SLC2A13: variants seen among roughly 807,000 people sequenced by gnomAD.
SLC2A13 encodes the protein solute carrier family 2 member 13.
A neutral mutation model predicts 64.4 loss-of-function variants in SLC2A13; 32 were observed. The ratio of observed to expected loss-of-function variants is 0.50; its 90% CI spans 0.37 to 0.67. The LOEUF is 0.67. SLC2A13 is among the 30% of genes least tolerant of loss of function. SLC2A13 has a pLI of 0.00. For synonymous variants in SLC2A13, 338 were observed against 327.1 expected, an observed-to-expected ratio of 1.03 and a Z score of -0.36; for missense variants, 743 against 829.2, an observed-to-expected ratio of 0.90 and a Z score of 1.28.
chr12:39,925,104 TG>T (rs1945700594), intron 4 of SLC2A13, among the ~76,000 whole-genome samples: 1 of 147,960 alleles, frequency 6.8e-6, no homozygotes, highest in Non-Finnish European at 1.5e-5. Flanking sequence ...GGCATGATCA[TG>T]GATCGCTCAC....
chr12:40,050,469 T>C (rs1948237176), intron 1 of SLC2A13, among the ~76,000 whole-genome samples: 4 of 152,182 alleles, frequency 2.6e-5, no homozygotes, highest in East Asian at 1.9e-4. Flanking sequence ...AGGGTAAAGA[T>C]TGAAGACAGA....
chr12:40,069,535 C>T (rs1937872452), intron 1 of SLC2A13, among the ~76,000 whole-genome samples: 1 of 151,730 alleles, frequency 6.6e-6, no homozygotes, highest in African/African-American at 2.4e-5. Flanking sequence ...TGTAATAGTA[C>T]CTGTTATTAT....
intron 3 of SLC2A13, among the ~76,000 whole-genome samples, chr12:39,989,794 T>C (rs1947100572): frequency 6.6e-6 from 1 of 152,050 alleles, no homozygotes. Flanking sequence ...AAGAAATTAA[T>C]CCCCATGATC....
At chr12:39,874,338 G>A (rs1944126831) in intron 4 of SLC2A13, among the ~76,000 whole-genome samples, 1 of 152,100 alleles carries the variant, frequency 6.6e-6, no homozygotes, top group Non-Finnish European at 1.5e-5. Flanking sequence ...GAGGGGCCGG[G>A]CACGGTGGCT....
At chr12:39,840,763 G>A (rs1943159521) in intron 6 of SLC2A13, among the ~76,000 whole-genome samples, 2 of 151,964 alleles carry the variant, frequency 1.3e-5, no homozygotes, top group Admixed American at 6.6e-5. Context: ...TTCATGCTGT[G>A]TTTGCTTTCC....
rs544096390 is a variant in SLC2A13, at chr12:39,938,387, C to T, written c.1034+12870G>A. ...CCATGTTTCCGCACACAAAATAACT[C>T]CATTTAAAGAAACTTTAAAAAAAAA... On this transcript the variant is annotated intron_variant, in intron 4 of 9. Coordinates refer to ENST00000280871, the MANE Select transcript of SLC2A13 (RefSeq NM_052885.4). Among the ~76,000 whole-genome samples, 267 of 145,140 alleles carry T rather than the reference C, an allele frequency of 1.8e-3. 5 individuals are homozygous for T. Among genetic ancestry groups the T allele is most frequent in the Non-Finnish European group, 6.2e-5 (4 of 64,636 alleles).
intron 7 of SLC2A13, among the ~76,000 whole-genome samples, chr12:39,812,247 C>T (rs1470131654): frequency 1.3e-5 from 2 of 152,100 alleles, no homozygotes; most frequent in East Asian, 3.9e-4. Flanking sequence ...TATAAAGGCA[C>T]TTATCCCATT....
intron 3 of SLC2A13, among the ~76,000 whole-genome samples, chr12:39,981,596 G>C (rs1282099802): frequency 2.7e-5 from 4 of 150,604 alleles, no homozygotes; most frequent in African/African-American, 7.4e-5. Context: ...TACATTCCTC[G>C]ACACATACAC....
At chr12:39,925,451 A>G (rs1159832333) in intron 4 of SLC2A13, among the ~76,000 whole-genome samples, 1 of 152,164 alleles carries the variant, frequency 6.6e-6, no homozygotes, top group Non-Finnish European at 1.5e-5. Context: ...TAAAATCATT[A>G]TTTACCAAAA....
chr12:39,843,555 T>C (rs1943229727), intron 6 of SLC2A13, among the ~76,000 whole-genome samples: 2 of 152,080 alleles, frequency 1.3e-5, no homozygotes, highest in Non-Finnish European at 2.9e-5. Flanking sequence ...TATAATACAA[T>C]TCCTTATATG....
In SLC2A13 at chr12:39,926,779, C is replaced by T. The variant is rs544865257; in HGVS notation, c.1034+24478G>A. Reference sequence around the variant, plus strand: ...TACAGGCATGAGCCACCATGCTAGGCGAGCTTTTTAATTTTTGTAGAGACA... The same window carrying T: ...TACAGGCATGAGCCACCATGCTAGGTGAGCTTTTTAATTTTTGTAGAGACA... On this transcript the variant is annotated intron_variant, in intron 4 of 9. Coordinates refer to ENST00000280871, the MANE Select transcript of SLC2A13 (RefSeq NM_052885.4). Among the ~76,000 whole-genome samples the T allele has an allele frequency of 1.2e-3, 179 of 152,154 alleles. 2 individuals carry two copies. The highest frequency in any genetic ancestry group is 3.9e-3 in the African/African-American group (163 of 41,516).
chr12:39,761,036 C>T (rs750559100), intron 9 of SLC2A13, among the ~76,000 whole-genome samples: 1 of 137,586 alleles, frequency 7.3e-6, no homozygotes, highest in Non-Finnish European at 1.6e-5. Flanking sequence ...TGGAAAACAA[C>T]AAAGTAAAAT....
At chr12:39,930,339 G>T (rs1388652153) in intron 4 of SLC2A13, among the ~76,000 whole-genome samples, 1 of 152,018 alleles carries the variant, frequency 6.6e-6, no homozygotes, top group Non-Finnish European at 1.5e-5. Flanking sequence ...TAATCACAGT[G>T]CACAGAGCTG....
At chr12:39,853,036 T>C (rs1222887590) in intron 6 of SLC2A13, among the ~76,000 whole-genome samples, 1 of 152,220 alleles carries the variant, frequency 6.6e-6, no homozygotes, top group Non-Finnish European at 1.5e-5. Context: ...TTTCAGTAAA[T>C]CTGTGCTTTT....
chr12:40,053,483 G>T (rs1008356286), intron 1 of SLC2A13, among the ~76,000 whole-genome samples: 1 of 151,930 alleles, frequency 6.6e-6, no homozygotes, highest in Non-Finnish European at 1.5e-5. Context: ...TCAAGGGCTG[G>T]GTGTCATGCC....
intron 7 of SLC2A13, among the ~76,000 whole-genome samples, chr12:39,824,884 G>A (rs1266730457): frequency 2.0e-5 from 3 of 152,110 alleles, no homozygotes. Context: ...ATCAAGGAGG[G>A]TAAATTCTAG....
chr12:40,043,819 TGACTGTAATCAAAAAA>T (rs1261484113), intron 2 of SLC2A13, among the ~76,000 whole-genome samples: 1 of 152,106 alleles, frequency 6.6e-6, no homozygotes, highest in African/African-American at 2.4e-5. Context: ...CCCACTAGGA[TGACTGTAATCAAAAAA>T]GACAAATAAC....
chr12:39,900,444 G>A (rs564838651), intron 4 of SLC2A13, among the ~76,000 whole-genome samples: 32 of 152,024 alleles, frequency 2.1e-4, no homozygotes, highest in Admixed American at 6.5e-4. Context: ...AAACCCCATC[G>A]TCTCAGCCCA....
chr12:39,784,351 A>C (rs1335940559), intron 7 of SLC2A13, among the ~76,000 whole-genome samples: 1 of 152,250 alleles, frequency 6.6e-6, no homozygotes, highest in African/African-American at 2.4e-5. Flanking sequence ...TAACCAAAAC[A>C]GCATGGTACT....
Sources: allele counts gnomAD v4.1 joint callset (sites outside exome capture counted in the v4.1 genomes callset), GRCh38; gene constraint gnomAD v4.1.1; transcripts MANE v1.5; gene names NCBI Gene and HGNC (gene_info 2026-07-23, HGNC 2026-07-21).